ACER3: variants seen among roughly 807,000 people sequenced by gnomAD.
ACER3 encodes alkCDase 3.
Under a neutral mutation model 48.9 loss-of-function variants are expected in ACER3, and 16 were observed. The observed-to-expected ratio is 0.33, with a 90% CI of 0.22 to 0.50. The LOEUF (loss-of-function observed/expected upper bound fraction) is 0.50, where lower values mean the gene tolerates loss of function less well. Ranked by LOEUF, ACER3 falls within the 20% of genes least tolerant of loss-of-function variation. The pLI is 0.98. For synonymous variants in ACER3, 109 were observed against 107.8 expected (o/e 1.01, Z -0.07); for missense variants, 227 against 326.0 (o/e 0.70, Z 2.34).
chr11:76,883,926 G>A (rs1945605569), intron 1 of ACER3, among the ~76,000 whole-genome samples: 1 of 152,160 alleles, frequency 6.6e-6, no homozygotes, highest in African/African-American at 2.4e-5. Flanking sequence ...TATTTTGGGA[G>A]TAGTTCTAGA....
intron 1 of ACER3, among the ~76,000 whole-genome samples, chr11:76,879,663 A>G (rs900717075): frequency 6.6e-6 from 1 of 152,224 alleles, no homozygotes; most frequent in African/African-American, 2.4e-5. Context: ...ATATTATTCT[A>G]TATCAAAGTG....
chr11:76,920,884 C>T (rs7924605), intron 1 of ACER3, among the ~76,000 whole-genome samples: 86,813 of 151,940 alleles, frequency 0.57, 27,992 homozygotes, highest in Non-Finnish European at 0.74. Context: ...AGCAATCCTC[C>T]CCCCTTGGCT....
At chr11:76,977,002 C>T (rs1428716971) in intron 4 of ACER3, among the ~76,000 whole-genome samples, 2 of 152,200 alleles carry the variant, frequency 1.3e-5, no homozygotes, top group African/African-American at 4.8e-5. Context: ...ATGATAGTAA[C>T]ATTAATAAAT....
At chr11:77,008,004 A>G (rs1260760478) in intron 7 of ACER3, among the ~76,000 whole-genome samples, 1 of 152,224 alleles carries the variant, frequency 6.6e-6, no homozygotes, top group South Asian at 2.1e-4. Context: ...CATTGTATAC[A>G]TATGTCAAAA....
intron 1 of ACER3, among the ~76,000 whole-genome samples, chr11:76,873,564 A>G (rs921985253): frequency 1.3e-5 from 2 of 152,232 alleles, no homozygotes; most frequent in Non-Finnish European, 2.9e-5. Flanking sequence ...ATTTTCTCTT[A>G]GTACCTTTCC....
At chr11:76,901,069 G>A (rs556373879) in intron 1 of ACER3, among the ~76,000 whole-genome samples, 2 of 152,184 alleles carry the variant, frequency 1.3e-5, no homozygotes, top group Admixed American at 6.5e-5. Flanking sequence ...AGACTTTCAT[G>A]ATGTTCTGTC....
chr11:77,015,451 T>C (rs1555023116), intron 8 of ACER3, among the ~76,000 whole-genome samples: 1 of 152,200 alleles, frequency 6.6e-6, no homozygotes, highest in East Asian at 1.9e-4. Flanking sequence ...GTAATAAGCA[T>C]ATGAAATATA....
chr11:76,980,503 C>A (rs1041423374), intron 4 of ACER3, among the ~76,000 whole-genome samples: 6 of 151,812 alleles, frequency 4.0e-5, no homozygotes, highest in Non-Finnish European at 8.8e-5. Flanking sequence ...ATAGTGAGAC[C>A]CTGTCACTAC....
intron 2 of ACER3, among the ~76,000 whole-genome samples, chr11:76,942,092 A>G (rs1191214480): frequency 6.6e-6 from 1 of 152,104 alleles, no homozygotes; most frequent in African/African-American, 2.4e-5. Context: ...TTGTCTGGAT[A>G]TAAGATTATA....
chr11:76,983,915 C>T (rs1057355755), intron 4 of ACER3, among the ~76,000 whole-genome samples: 2 of 151,982 alleles, frequency 1.3e-5, no homozygotes, highest in Admixed American at 6.6e-5. Context: ...CTCAGCCTCC[C>T]GAGTAGCTGG....
chr11:76,959,239 CT>C (rs1947922302), intron 3 of ACER3: 1 of 1,420,542 alleles, frequency 7.0e-7, no homozygotes. Context: ...TAGTATAGGG[CT>C]TTTTGACCAT....
intron 2 of ACER3, among the ~76,000 whole-genome samples, chr11:76,947,387 C>G (rs1393718170): frequency 6.6e-6 from 1 of 152,156 alleles, no homozygotes; most frequent in Non-Finnish European, 1.5e-5. Context: ...ATGGAGCAAG[C>G]TTAATTAAGT....
rs138097890 is a variant in ACER3, at chr11:76,994,766, G to A, written c.439-3997G>A. On this transcript the variant is annotated intron_variant, in intron 6 of 10. Coordinates refer to ENST00000532485, the MANE Select transcript of ACER3 (RefSeq NM_018367.7). ...TTTGTAGAAAAGTTTTAAAAGCATC[G>A]GTATACTATAAATATTTGGTATGGC... Among the ~76,000 whole-genome samples the A allele has an allele frequency of 3.4e-3, 513 of 152,208 alleles. 6 individuals are homozygous for A. Among genetic ancestry groups the A allele is most frequent in the African/African-American group, 0.012 (485 of 41,514 alleles).
intron 3 of ACER3, among the ~76,000 whole-genome samples, chr11:76,972,890 A>C (rs1201931619): frequency 6.6e-6 from 1 of 152,204 alleles, no homozygotes; most frequent in Non-Finnish European, 1.5e-5. Flanking sequence ...CCCCCTTCCC[A>C]AAGTGGCAAC....
chr11:76,883,499 A>C (rs1267217788), intron 1 of ACER3, among the ~76,000 whole-genome samples: 1 of 136,446 alleles, frequency 7.3e-6, no homozygotes, highest in African/African-American at 2.8e-5. Flanking sequence ...GGAATGCAGT[A>C]GCACGATCTC....
intron 2 of ACER3, among the ~76,000 whole-genome samples, chr11:76,948,663 T>C (rs1222106263): frequency 2.0e-5 from 3 of 152,204 alleles, no homozygotes; most frequent in Admixed American, 6.5e-5. Context: ...AACATGACCT[T>C]CTCCTTGTAT....
In ACER3 at chr11:77,023,368, T is replaced by A; in HGVS notation, c.*3041T>A. 2 of 385,898 alleles carry A rather than the reference T, an allele frequency of 5.2e-6. No homozygotes were observed. The highest frequency in any genetic ancestry group is 9.2e-6 in the Non-Finnish European group (2 of 217,876). 23.9% of individuals were successfully genotyped at this position (385,898 alleles called of 1,614,324 possible). On this transcript the variant is annotated 3_prime_UTR_variant, in exon 11 of 11. Transcript: ENST00000532485. ...AAAATTAAGAGACAAAACCTTCAGG[T>A]ACATAATGCATGAAAATCTTTAAAT...
At chr11:76,957,380 T>A in intron 2 of ACER3, 2 of 364,600 alleles carry the variant, frequency 5.5e-6, no homozygotes. Context: ...AAACCTTTGA[T>A]ATATTGAAGC....
chr11:77,015,133 A>C lies in ACER3; in HGVS notation c.599+16A>C. 7.5e-7 allele frequency: 1 copy of C among 1,329,494 alleles called. No individual in the cohort carries two copies. The allele number at this position is 1,329,494 out of a possible 1,614,324, so 82.4% of individuals were successfully genotyped here. The stretch of plus-strand genomic sequence containing the variant: ...AGTCACTGAGGTAAGATATATTTTC[A>C]TTCCTTCAGAAATATTTTTGGAAGC... On this transcript the variant is annotated intron_variant, in intron 8 of 10. Coordinates refer to ENST00000532485, the MANE Select transcript of ACER3 (RefSeq NM_018367.7).
Sources: gnomAD v4.1 joint callset for allele counts (sites outside exome capture counted in the v4.1 genomes callset) on GRCh38, gnomAD v4.1.1 for gene constraint, MANE v1.5 for transcripts, NCBI Gene and HGNC (gene_info 2026-07-23, HGNC 2026-07-21) for gene names.